Variants in ADARB2 observed in about 807,000 individuals in gnomAD.
ADARB2 encodes the protein adenosine deaminase RNA specific B2 (inactive).
Under a neutral mutation model 62.2 loss-of-function variants are expected in ADARB2, and 25 were observed. The observed-to-expected ratio is 0.40, with a 90% CI of 0.29 to 0.56. The LOEUF (loss-of-function observed/expected upper bound fraction) is 0.56, where lower values mean the gene tolerates loss of function less well. ADARB2 is among the 20% of genes least tolerant of loss of function. The probability of loss-of-function intolerance (pLI) is 0.43; values close to 1 mark genes in which losing one functional copy is unlikely to be tolerated. For synonymous variants in ADARB2, 572 were observed against 500.8 expected, an observed-to-expected ratio of 1.14 and a Z score of -1.90; for missense variants, 1,071 against 1,077.4, an observed-to-expected ratio of 0.99 and a Z score of 0.08.
chr10:1,181,446 T>G lies in ADARB2; in HGVS notation c.*1747A>C, dbSNP rs1589143757. 6.6e-6 allele frequency: 1 copy of G among 152,276 alleles called. No individual in the cohort carries two copies. Among genetic ancestry groups the G allele is most frequent in the East Asian group, 1.9e-4 (1 of 5,206 alleles). 9.4% of individuals were successfully genotyped at this position (152,276 alleles called of 1,614,324 possible). On this transcript the variant is annotated 3_prime_UTR_variant, in exon 10 of 10. Transcript: ENST00000381312. ...TTCTCGTATCTTTTGAAACTTTATC[T>G]GGAAGAAGTTGTCTACTCCAGTACC...
chr10:1,352,983 T>C (rs967530315), intron 3 of ADARB2, among the ~76,000 whole-genome samples: 3 of 152,186 alleles, frequency 2.0e-5, no homozygotes, highest in African/African-American at 7.2e-5. Flanking sequence ...TATACTATAG[T>C]ACAAGCCACC....
intron 1 of ADARB2, among the ~76,000 whole-genome samples, chr10:1,586,429 C>T (rs185541397): frequency 2.6e-5 from 4 of 152,292 alleles, no homozygotes; most frequent in Non-Finnish European, 2.9e-5. Flanking sequence ...AATGGCTCAG[C>T]CCACATTTTC....
chr10:1,288,858 C>T (rs750035061), intron 3 of ADARB2, among the ~76,000 whole-genome samples: 20 of 152,176 alleles, frequency 1.3e-4, no homozygotes, highest in Non-Finnish European at 1.8e-4. Context: ...GTTGTCTAAA[C>T]GCTGGTGTAA....
intron 1 of ADARB2, among the ~76,000 whole-genome samples, chr10:1,572,050 G>GGCACCTGTTTATCTCAGGTCTCT: frequency 7.3e-6 from 1 of 137,886 alleles, no homozygotes; most frequent in East Asian, 2.4e-4. Context: ...CAGGTGAGTG[G>GGCACCTGTTTATCTCAGGTCTCT]ACAGGGGAGT....
At chr10:1,304,631 G>A (rs951281300) in intron 3 of ADARB2, among the ~76,000 whole-genome samples, 2 of 150,654 alleles carry the variant, frequency 1.3e-5, no homozygotes. Flanking sequence ...TGGAAGTAAA[G>A]CTCTCCTCAG....
intron 1 of ADARB2, among the ~76,000 whole-genome samples, chr10:1,684,153 A>G (rs958493545): frequency 1.3e-5 from 2 of 152,252 alleles, no homozygotes; most frequent in African/African-American, 4.8e-5. Flanking sequence ...AACTCCATCT[A>G]TAGACTCCAA....
At position 1,398,028 on chromosome 10, in the gene ADARB2, G is replaced by A. The variant is rs1231368557; in HGVS notation, c.101-18868C>T. 1.5e-5 allele frequency among the ~76,000 whole-genome samples: 2 copies of A among 129,684 alleles called. No homozygotes were observed. Among genetic ancestry groups the A allele is most frequent in the Non-Finnish European group, 3.2e-5 (2 of 61,708 alleles). 85.1% of individuals were successfully genotyped at this position (129,684 alleles called of 152,430 possible). On this transcript the variant is annotated intron_variant, in intron 1 of 9. Coordinates refer to ENST00000381312, the MANE Select transcript of ADARB2 (RefSeq NM_018702.4). This position sits in a 1 kb window ranked among gnomAD's most constrained non-coding sequence, Gnocchi z 4.1. The stretch of plus-strand genomic sequence containing the variant: ...TCCTCCTCTCCCCTCCCGAGTGCAG[G>A]CTTCCTGGGTCACCGTCCTCCTCTC...
At chr10:1,525,551 C>T (rs970790855) in intron 1 of ADARB2, among the ~76,000 whole-genome samples, 2 of 152,038 alleles carry the variant, frequency 1.3e-5, no homozygotes, top group Non-Finnish European at 2.9e-5. Flanking sequence ...ATCAGCAGCC[C>T]GACGCTGGTG....
chr10:1,568,800 C>CTCTATCTATCTATCTATCTA (rs71379148), intron 1 of ADARB2, among the ~76,000 whole-genome samples: 63 of 148,574 alleles, frequency 4.2e-4, no homozygotes, highest in East Asian at 1.0e-3. Context: ...ATGTCTCTAT[C>CTCTATCTATCTATCTATCTA]TCTATCTATC....
At chr10:1,647,537 A>T (rs1320453089) in intron 1 of ADARB2, among the ~76,000 whole-genome samples, 1 of 151,980 alleles carries the variant, frequency 6.6e-6, no homozygotes, top group Non-Finnish European at 1.5e-5. Flanking sequence ...ATGTGTGTTT[A>T]TGTGAGTATA....
intron 3 of ADARB2, among the ~76,000 whole-genome samples, chr10:1,334,445 A>G (rs996070812): frequency 6.6e-6 from 1 of 152,200 alleles, no homozygotes; most frequent in Non-Finnish European, 1.5e-5. Flanking sequence ...ATATTTCTCC[A>G]CACGTGGGTG....
Position 1,255,636 on chromosome 10 carries a change from C to T in ADARB2, c.1193-13337G>A, listed in dbSNP as rs895876959. On this transcript the variant is annotated intron_variant, in intron 4 of 9. Transcript: ENST00000381312. This position sits in a 1 kb window ranked among gnomAD's most constrained non-coding sequence, Gnocchi z 4.7. ...ATCAGGGAATGGAACTTCTCCAAAC[C>T]TGATGGGCTGTCGGTGAGGTTAGAG... is the stretch of plus-strand genomic sequence containing the variant. 6.6e-6 allele frequency among the ~76,000 whole-genome samples: 1 copy of T among 152,232 alleles called. No individual in the cohort carries two copies. Among genetic ancestry groups the T allele is most frequent in the Non-Finnish European group, 1.5e-5 (1 of 68,036 alleles).
At chr10:1,556,574 G>T (rs1832706916) in intron 1 of ADARB2, 1 of 433,792 alleles carries the variant, frequency 2.3e-6, no homozygotes, top group South Asian at 1.8e-5. Flanking sequence ...GGTCTGGGGA[G>T]GGCCTGAGCA....
intron 4 of ADARB2, among the ~76,000 whole-genome samples, chr10:1,269,973 T>G (rs1397372016): frequency 6.6e-6 from 1 of 152,238 alleles, no homozygotes; most frequent in South Asian, 2.1e-4. Context: ...ATGATGTGTT[T>G]ATAAAGCAAC....
chr10:1,241,539 CGCGGAGGCCACGT>C (rs1830923749), intron 5 of ADARB2, among the ~76,000 whole-genome samples: 1 of 152,150 alleles, frequency 6.6e-6, no homozygotes, highest in African/African-American at 2.4e-5. Flanking sequence ...GGGGGTGTGT[CGCGGAGGCCACGT>C]GCTGCAAACC....
chr10:1,622,781 G>C (rs1833720667), intron 1 of ADARB2, among the ~76,000 whole-genome samples: 1 of 152,150 alleles, frequency 6.6e-6, no homozygotes, highest in Admixed American at 6.5e-5. Flanking sequence ...TTCTTAAATA[G>C]CTAAACATAT....
intron 7 of ADARB2, among the ~76,000 whole-genome samples, chr10:1,214,407 C>T (rs1229277719): frequency 1.1e-4 from 15 of 133,628 alleles, no homozygotes; most frequent in Non-Finnish European, 2.3e-4. Context: ...CGTGGGTTTG[C>T]CCCTGTGCCT....
At chr10:1,492,838 A>T (rs1450114965) in intron 1 of ADARB2, among the ~76,000 whole-genome samples, 1 of 151,782 alleles carries the variant, frequency 6.6e-6, no homozygotes, top group African/African-American at 2.4e-5. Flanking sequence ...TTGTAGGGGG[A>T]GGTGATGTGC....
intron 1 of ADARB2, among the ~76,000 whole-genome samples, chr10:1,474,326 A>T (rs11250558): frequency 0.49 from 73,745 of 152,048 alleles, 18,716 homozygotes; most frequent in East Asian, 0.68. Context: ...GGGTGAGAGG[A>T]CACCAGCTGC....
Sources: gnomAD v4.1 joint callset for allele counts (sites outside exome capture counted in the v4.1 genomes callset) on GRCh38, gnomAD v4.1.1 for gene constraint, Gnocchi (gnomAD v3.1) non-coding constraint, MANE v1.5 for transcripts, NCBI Gene and HGNC (gene_info 2026-07-23, HGNC 2026-07-21) for gene names.